The following ITGB1 variants were observed in gnomAD, a reference collection of about 807,000 sequenced individuals.
The protein encoded by ITGB1 is integrin beta-1.
In ITGB1, 24 loss-of-function variants were observed where a neutral mutation model predicts 86.5. The observed-to-expected ratio is 0.28, with a 90% CI of 0.20 to 0.39. The LOEUF (loss-of-function observed/expected upper bound fraction) is 0.39. Among genes scored for constraint, ITGB1 ranks in the 10% least tolerant of loss-of-function variants. The pLI is 1.00. For missense variants in ITGB1, 556 were observed against 946.9 expected (o/e 0.59, Z 5.42); for synonymous variants, 323 against 316.8 (o/e 1.02, Z -0.21).
At chr10:32,958,014 C>T (rs1479575817) in intron 1 of ITGB1, 131 bp downstream of exon 1, 1 of 151,076 alleles carries the variant, frequency 6.6e-6, no homozygotes, top group Non-Finnish European at 1.5e-5. Context: ...CCCGCCCCCG[C>T]CCCCGCCCCC....
intron 1 of ITGB1, among the ~76,000 whole-genome samples, chr10:32,946,744 A>AT (rs1378955265): frequency 3.9e-4 from 6 of 15,544 alleles, no homozygotes; most frequent in African/African-American, 1.8e-3. Flanking sequence ...GTTTGTATGT[A>AT]TTTCTGGGGG....
In ITGB1 at chr10:32,925,337, T is replaced by C. The variant is rs2094961423; in HGVS notation, c.786+534A>G. ...ATATTGTATCACTTCTCAAAATACA[T>C]CTATTCATATAGGTTAAAAACTAGA... On this transcript the variant is annotated intron_variant, in intron 6 of 15. Transcript: ENST00000302278. Among the ~76,000 whole-genome samples the C allele has an allele frequency of 2.0e-5, 3 of 152,314 alleles. No homozygotes were observed. In the Middle Eastern group the frequency reaches 0.01, roughly 518 times the overall value.
chr10:32,938,452 T>C (rs9417094), intron 1 of ITGB1, among the ~76,000 whole-genome samples: 125,516 of 152,184 alleles, frequency 0.82, 52,509 homozygotes, highest in Non-Finnish European at 0.9. Context: ...TCATACAATT[T>C]AGACAATCAC....
At chr10:32,914,349 A>C (rs1161802029) in intron 11 of ITGB1, among the ~76,000 whole-genome samples, 1 of 152,228 alleles carries the variant, frequency 6.6e-6, no homozygotes, top group Non-Finnish European at 1.5e-5. Context: ...AAAATGCTCC[A>C]ATTAAAAGAC....
intron 1 of ITGB1, among the ~76,000 whole-genome samples, chr10:32,938,497 T>C (rs1253592710): frequency 6.6e-6 from 1 of 152,214 alleles, no homozygotes; most frequent in African/African-American, 2.4e-5. Flanking sequence ...CAGAAAATGA[T>C]TCCTAACATT....
intron 15 of ITGB1, among the ~76,000 whole-genome samples, chr10:32,904,875 TTTAAA>T (rs2137154499): frequency 6.6e-6 from 1 of 152,248 alleles, no homozygotes; most frequent in Non-Finnish European, 1.5e-5. Context: ...AAACATTAAG[TTTAAA>T]TAACATTTAC....
intron 11 of ITGB1, among the ~76,000 whole-genome samples, chr10:32,914,474 A>G (rs1254625319): frequency 1.3e-5 from 2 of 152,226 alleles, no homozygotes; most frequent in Non-Finnish European, 2.9e-5. Flanking sequence ...AGGAAGATCT[A>G]CCAAGCAAAT....
chr10:32,913,499 G>T (rs1420020499), intron 11 of ITGB1, among the ~76,000 whole-genome samples: 2 of 152,148 alleles, frequency 1.3e-5, no homozygotes, highest in African/African-American at 4.8e-5. Context: ...GGAAAACCAT[G>T]GCATGAGAAC....
chr10:32,905,203 C>A (rs931720016), intron 15 of ITGB1, among the ~76,000 whole-genome samples: 7 of 152,050 alleles, frequency 4.6e-5, no homozygotes, highest in Non-Finnish European at 4.4e-5. Context: ...TAATTTTCTG[C>A]CATCAAATTT....
intron 13 of ITGB1, 60 bp from the exon 14 acceptor site, chr10:32,910,515 T>TA (rs748756265): frequency 3.9e-5 from 46 of 1,182,058 alleles, no homozygotes; most frequent in Non-Finnish European, 5.3e-5. Flanking sequence ...AATATTTGCT[T>TA]AAACATATTT....
At position 32,958,158 on chromosome 10, in the gene ITGB1, CGTCCGGGGCCCGGCGCGGT is replaced by C. The variant is rs1374487475; in HGVS notation, c.-33_-15del. 6.6e-6 allele frequency: 1 copy of C among 151,184 alleles called. No homozygotes were observed. The highest frequency in any genetic ancestry group is 1.5e-5 in the Non-Finnish European group (1 of 67,692). The allele number at this position is 151,184 out of a possible 1,614,324, so 9.4% of individuals were successfully genotyped here. Reference sequence around the variant, plus strand: ...GCCGGCCCCTACCTTTTCCGCGCGGCGTCCGGGGCCCGGCGCGGTGGGCTCGGGCCTGCTGTTCCGCGAC... The same window carrying C: ...GCCGGCCCCTACCTTTTCCGCGCGGCGGGCTCGGGCCTGCTGTTCCGCGAC... On this transcript the variant is annotated 5_prime_UTR_variant, in exon 1 of 16. Coordinates refer to ENST00000302278, the MANE Select transcript of ITGB1 (RefSeq NM_002211.4).
At chr10:32,940,812 C>G (rs544465660) in intron 1 of ITGB1, among the ~76,000 whole-genome samples, 1 of 152,198 alleles carries the variant, frequency 6.6e-6, no homozygotes, top group Non-Finnish European at 1.5e-5. Flanking sequence ...AGAATTTACA[C>G]AAAGCAACAT....
rs1565819319 is a variant in ITGB1, at chr10:32,910,377, A to G, written c.2010T>C (p.Ile670=). The change falls in exon 14 of 16, where the codon ATT becomes ATC. Residue 670 remains isoleucine (I), a synonymous_variant. Coordinates refer to ENST00000302278, the MANE Select transcript of ITGB1 (RefSeq NM_002211.4). ...ATTTGTCCCGACTTTCTACCTTGGT[A>G]ATGTTAAAATAGGAACATTCCTGTG... ...TCTQECSYFN[I]TKVESRDKLP... The G allele has an allele frequency of 6.2e-7, 1 of 1,600,068 alleles. No individual in the cohort carries two copies. Among genetic ancestry groups the G allele is most frequent in the Non-Finnish European group, 8.6e-7 (1 of 1,167,542 alleles).
intron 13 of ITGB1, among the ~76,000 whole-genome samples, chr10:32,910,918 T>C (rs2094911405): frequency 6.6e-6 from 1 of 152,140 alleles, no homozygotes; most frequent in Non-Finnish European, 1.5e-5. Flanking sequence ...TTTGTATTTT[T>C]AGTAGAGATG....
intron 1 of ITGB1, among the ~76,000 whole-genome samples, chr10:32,943,794 A>T (rs1490337559): frequency 6.6e-6 from 1 of 152,220 alleles, no homozygotes; most frequent in Non-Finnish European, 1.5e-5. Flanking sequence ...AGAGAGAGAC[A>T]CTTTGAAGAC....
chr10:32,909,365 C>A lies in ITGB1; in HGVS notation c.2165-831G>T, dbSNP rs190369315. 7.4e-3 allele frequency among the ~76,000 whole-genome samples: 1,123 copies of A among 152,126 alleles called. 9 individuals carry two copies. Among genetic ancestry groups the A allele is most frequent in the Non-Finnish European group, 0.012 (811 of 67,976 alleles). ...GAGTTACAGATCTAAATGTGAAACC[C>A]CAGAAACTATAAAACTTCTACCAAA... On this transcript the variant is annotated intron_variant, in intron 14 of 15. Coordinates refer to ENST00000302278, the MANE Select transcript of ITGB1 (RefSeq NM_002211.4).
At chr10:32,940,427 T>C (rs1380252727) in intron 1 of ITGB1, among the ~76,000 whole-genome samples, 1 of 152,216 alleles carries the variant, frequency 6.6e-6, no homozygotes, top group Non-Finnish European at 1.5e-5. Flanking sequence ...TATTATGCAC[T>C]GTAATTTAGA....
At chr10:32,902,548 A>T (rs566137177) in intron 15 of ITGB1, among the ~76,000 whole-genome samples, 1 of 152,370 alleles carries the variant, frequency 6.6e-6, no homozygotes, top group South Asian at 2.1e-4. Flanking sequence ...ACTTAATCAG[A>T]GAAAATTACA....
chr10:32,948,464 T>A (rs2095036355), intron 1 of ITGB1, among the ~76,000 whole-genome samples: 1 of 152,086 alleles, frequency 6.6e-6, no homozygotes. Context: ...ACATACCTAA[T>A]ACAAACAGAA....
Sources: allele counts gnomAD v4.1 joint callset (sites outside exome capture counted in the v4.1 genomes callset), GRCh38; gene constraint gnomAD v4.1.1; transcripts MANE v1.5; gene names NCBI Gene and HGNC (gene_info 2026-07-23, HGNC 2026-07-21).